Variants in MED12L observed in about 807,000 individuals in gnomAD.
MED12L encodes the protein mediator of RNA polymerase II transcription subunit 12-like protein.
Under a neutral mutation model 281.3 loss-of-function variants are expected in MED12L, and 60 were observed. The ratio of observed to expected loss-of-function variants is 0.21; its 90% CI spans 0.17 to 0.26. MED12L has a LOEUF of 0.26. Among genes scored for constraint, MED12L ranks in the 10% least tolerant of loss-of-function variants. The pLI, the probability that MED12L is intolerant of heterozygous loss-of-function variation, is 1.00. For missense variants in MED12L, 2,146 were observed against 2,680.9 expected, an observed-to-expected ratio of 0.80 and a Z score of 4.41; for synonymous variants, 974 against 987.2, an observed-to-expected ratio of 0.99 and a Z score of 0.25.
intron 39 of MED12L, among the ~76,000 whole-genome samples, chr3:151,398,129 G>A (rs1221927534): frequency 6.6e-6 from 1 of 152,190 alleles, no homozygotes; most frequent in Admixed American, 6.5e-5. Context: ...GCTTCCAGGA[G>A]CCTAAAGTTT....
Position 151,382,762 on chromosome 3 carries a change from G to A in MED12L, c.4680+17G>A. The A allele has an allele frequency of 6.3e-7, 1 of 1,589,296 alleles. No individual in the cohort carries two copies. The highest frequency in any genetic ancestry group is 8.6e-7 in the Non-Finnish European group (1 of 1,162,412). On this transcript the variant is annotated intron_variant, in intron 33 of 44. Transcript: ENST00000687756. The stretch of plus-strand genomic sequence containing the variant: ...CTAAATTTGGTAAGTGACATTTCTA[G>A]TATTTTCCCTCCATTAAACATATTT...
chr3:151,432,720 G>C (rs1379786814), intron 44 of MED12L, 32 bp from the exon 45 acceptor site: 2 of 1,580,274 alleles, frequency 1.3e-6, no homozygotes, highest in Non-Finnish European at 1.7e-6. Flanking sequence ...TTTTGTGTCT[G>C]TAATTTTGGT....
chr3:151,111,458 A>T (rs1410625963), intron 2 of MED12L, among the ~76,000 whole-genome samples: 1 of 152,182 alleles, frequency 6.6e-6, no homozygotes. Flanking sequence ...ATGGTCCCAG[A>T]GCTTGCTTAG....
intron 16 of MED12L, among the ~76,000 whole-genome samples, chr3:151,254,436 AT>A (rs1737433849): frequency 6.6e-6 from 1 of 152,206 alleles, no homozygotes; most frequent in African/African-American, 2.4e-5. Context: ...TCTTGGTCTA[AT>A]GAGGGCAGGC....
chr3:151,400,011 G>C (rs1208230116), intron 39 of MED12L, among the ~76,000 whole-genome samples: 1 of 152,140 alleles, frequency 6.6e-6, no homozygotes, highest in African/African-American at 2.4e-5. Flanking sequence ...ATTTGTAATA[G>C]AGACAGTGTT....
chr3:151,328,926 G>A (rs1257306724), intron 16 of MED12L: 1 of 1,613,354 alleles, frequency 6.2e-7, no homozygotes, highest in South Asian at 1.1e-5. Context: ...AATACCAGCT[G>A]TACTATCCGA....
chr3:151,301,740 A>G (rs1745953109), intron 16 of MED12L, among the ~76,000 whole-genome samples: 1 of 152,212 alleles, frequency 6.6e-6, no homozygotes, highest in Non-Finnish European at 1.5e-5. Context: ...TCTGAAAAAG[A>G]CAGACAGTAA....
chr3:151,128,946 CA>C, intron 5 of MED12L, among the ~76,000 whole-genome samples: 2 of 152,310 alleles, frequency 1.3e-5, no homozygotes, highest in South Asian at 4.1e-4. Context: ...TCAGAGTCCC[CA>C]CTATGTTGGT....
At chr3:151,239,031 A>C (rs1297046184) in intron 16 of MED12L, among the ~76,000 whole-genome samples, 4 of 152,196 alleles carry the variant, frequency 2.6e-5, no homozygotes, top group Admixed American at 6.5e-5. Context: ...TGAAAGCAGA[A>C]TTTTGGAAAG....
Position 151,116,300 on chromosome 3 carries a change from T to G in MED12L, c.100-38T>G, listed in dbSNP as rs1261366103. ...ATATGTGGGATTATGTTGAAGCTTT[T>G]ACATCCTTCTGCTTAATCAATACCG... is the stretch of plus-strand genomic sequence containing the variant. On this transcript the variant is annotated intron_variant, in intron 2 of 44. Coordinates refer to ENST00000687756, the MANE Select transcript of MED12L (RefSeq NM_001393769.1). 4 of 1,461,174 alleles carry G rather than the reference T, an allele frequency of 2.7e-6. No individual in the cohort carries two copies. The African/African-American group carries it at 5.6e-5, about 20-fold the overall frequency. The allele number at this position is 1,461,174 out of a possible 1,614,324, so 90.5% of individuals were successfully genotyped here. A position where few individuals can be genotyped will look rare whatever the true frequency, so the allele number is the denominator to read the frequency against.
Position 151,390,119 on chromosome 3 carries a change from C to T in MED12L, c.5592C>T (p.Asn1864=). The T allele has an allele frequency of 6.2e-7, 1 of 1,614,054 alleles. No homozygotes were observed. Among genetic ancestry groups the T allele is most frequent in the East Asian group, 2.2e-5 (1 of 44,876 alleles). ...QPQQPGFFLQ[N]QSLTPGGSRL... is the part of the protein sequence containing the mutation. Reference sequence around the variant, plus strand: ...AGCAGCCCGGCTTTTTCCTTCAGAACCAATCTCTTACTCCAGGTATGTGAT... The same window carrying T: ...AGCAGCCCGGCTTTTTCCTTCAGAATCAATCTCTTACTCCAGGTATGTGAT... Residue 1864 remains asparagine, a synonymous_variant, in exon 38 of 45, where the codon AAC becomes AAT. Coordinates refer to ENST00000687756, the MANE Select transcript of MED12L (RefSeq NM_001393769.1).
At position 151,433,987 on chromosome 3, in the gene MED12L, A is replaced by G. The variant is rs1719811600; in HGVS notation, c.*1183A>G. ...TAATTTGCTCCTATTAGAGTAAAAAAGAAACCAGTAAATTATCAGTTTGTG... is the reference window on the plus strand; with the variant it reads ...TAATTTGCTCCTATTAGAGTAAAAAGGAAACCAGTAAATTATCAGTTTGTG... On this transcript the variant is annotated 3_prime_UTR_variant, in exon 45 of 45. Coordinates refer to ENST00000687756, the MANE Select transcript of MED12L (RefSeq NM_001393769.1). 6.6e-6 allele frequency: 1 copy of G among 152,650 alleles called. No individual in the cohort carries two copies. The highest frequency in any genetic ancestry group is 2.1e-4 in the South Asian group (1 of 4,836). The allele number at this position is 152,650 out of a possible 1,614,324, so 9.5% of individuals were successfully genotyped here. A position where few individuals can be genotyped will look rare whatever the true frequency, so the allele number is the denominator to read the frequency against.
chr3:151,152,596 G>A (rs909505356), intron 5 of MED12L, among the ~76,000 whole-genome samples: 19 of 152,116 alleles, frequency 1.2e-4, no homozygotes, highest in Admixed American at 1.2e-3. Flanking sequence ...CATCCTGATG[G>A]TGATAATAGC....
At position 151,280,349 on chromosome 3, in the gene MED12L, GTT is replaced by G. The variant is rs370703925; in HGVS notation, c.2251-69707_2251-69706del. 5.9e-3 allele frequency among the ~76,000 whole-genome samples: 906 copies of G among 152,310 alleles called. 9 individuals are homozygous for G. The highest frequency in any genetic ancestry group is 0.02 in the African/African-American group (847 of 41,560). ...ATGTACTGTTCTAAACACTCTGTGT[GTT>G]TTAGCTTGATTACTCACAATGGCTC... On this transcript the variant is annotated intron_variant, in intron 16 of 44. Coordinates refer to ENST00000687756, the MANE Select transcript of MED12L (RefSeq NM_001393769.1).
chr3:151,327,321 A>G (rs1749731949), intron 16 of MED12L: 1 of 152,254 alleles, frequency 6.6e-6, no homozygotes, highest in South Asian at 2.1e-4. Flanking sequence ...AGAATAGTTA[A>G]CACAGCATTC....
At chr3:151,190,047 A>G (rs1394769868) in intron 13 of MED12L, among the ~76,000 whole-genome samples, 1 of 152,226 alleles carries the variant, frequency 6.6e-6, no homozygotes, top group Non-Finnish European at 1.5e-5. Flanking sequence ...TCAAGCTAGA[A>G]AAAGCAGTCA....
At chr3:151,295,114 GA>G in intron 16 of MED12L, 1 of 1,613,520 alleles carries the variant, frequency 6.2e-7, no homozygotes, top group Non-Finnish European at 8.5e-7. Flanking sequence ...GCACCGGCAA[GA>G]CAATTGTGTC....
intron 16 of MED12L, among the ~76,000 whole-genome samples, chr3:151,284,081 A>G (rs1743148159): frequency 6.6e-6 from 1 of 152,234 alleles, no homozygotes; most frequent in South Asian, 2.1e-4. Flanking sequence ...TGAATGTAAG[A>G]ACATACTTCG....
rs533302306 is a variant in MED12L, at chr3:151,430,244, G to T, written c.6409-55G>T. The stretch of plus-strand genomic sequence containing the variant: ...GCCCTGCGAGTTAGTCTCTGTTCTT[G>T]TCTGTGATTGGCACCATGGAATGAT... On this transcript the variant is annotated intron_variant, in intron 43 of 44. Coordinates refer to ENST00000687756, the MANE Select transcript of MED12L (RefSeq NM_001393769.1). 44 of 1,610,248 alleles carry T rather than the reference G, an allele frequency of 2.7e-5. No homozygotes were observed. The South Asian group carries it at 4.5e-4, about 16-fold the overall frequency.
Sources: gnomAD v4.1 joint callset for allele counts (sites outside exome capture counted in the v4.1 genomes callset) on GRCh38, gnomAD v4.1.1 for gene constraint, MANE v1.5 for transcripts, NCBI Gene and HGNC (gene_info 2026-07-23, HGNC 2026-07-21) for gene names.